Variants in CFAP91 observed in about 807,000 individuals in gnomAD.
The protein encoded by CFAP91 is cilia- and flagella-associated protein 91.
CFAP91 carries 85 observed loss-of-function variants against 95.9 expected under a neutral mutation model. That is an observed-to-expected ratio of 0.89 (90% CI 0.74 to 1.06). The LOEUF (loss-of-function observed/expected upper bound fraction) is 1.06, where lower values mean the gene tolerates loss of function less well. Ranked by LOEUF, CFAP91 falls within the 50% of genes least tolerant of loss-of-function variation. The probability of loss-of-function intolerance (pLI) is 0.00; values close to 1 mark genes in which losing one functional copy is unlikely to be tolerated. For synonymous variants in CFAP91, 335 were observed against 327.5 expected, an observed-to-expected ratio of 1.02 and a Z score of -0.25; for missense variants, 962 against 943.4, an observed-to-expected ratio of 1.02 and a Z score of -0.26.
chr3:119,724,644 ATGCATCATTGTGAC>A (rs1196981678), intron 6 of CFAP91, among the ~76,000 whole-genome samples: 2 of 152,200 alleles, frequency 1.3e-5, no homozygotes, highest in Non-Finnish European at 2.9e-5. Flanking sequence ...TCCTCACCAA[ATGCATCATTGTGAC>A]TGCCTCTGGG....
chr3:119,743,928 A>G, intron 13 of CFAP91, 47 bp from the exon 14 acceptor site: 1 of 1,478,252 alleles, frequency 6.8e-7, no homozygotes, highest in Non-Finnish European at 9.2e-7. Context: ...AATAATCACC[A>G]CTCATAATGG....
At chr3:119,745,769 G>A (rs1028585580) in intron 14 of CFAP91, among the ~76,000 whole-genome samples, 6 of 152,152 alleles carry the variant, frequency 3.9e-5, no homozygotes, top group African/African-American at 1.2e-4. Context: ...ATATATTTTG[G>A]TTGGTTAGTT....
In CFAP91 at chr3:119,737,512, T is replaced by C. The variant is rs1294666958; in HGVS notation, c.1461+30T>C. 3.2e-6 allele frequency: 4 copies of C among 1,238,672 alleles called. No individual in the cohort carries two copies. In the Admixed American group the frequency reaches 7.4e-5, roughly 23 times the overall value. The allele number at this position is 1,238,672 out of a possible 1,614,324, so 76.7% of individuals were successfully genotyped here. The stretch of plus-strand genomic sequence containing the variant: ...GTTGGAAACTTTTTAGTTGAAATGC[T>C]AAATTCAATATCATTGTCAGCTTAT... On this transcript the variant is annotated intron_variant, in intron 11 of 17. Coordinates refer to ENST00000273390, the MANE Select transcript of CFAP91 (RefSeq NM_033364.4).
Position 119,703,228 on chromosome 3 carries a change from G to A in CFAP91, c.124+6G>A, listed in dbSNP as rs1236813253. ...AGCGTATGATTTTCTGTACGGTAAG[G>A]ACCGCCGCAGACCTTCCTCCGCGTC... On this transcript the variant is annotated splice_donor_region_variant and intron_variant, in intron 1 of 17. Coordinates refer to ENST00000273390, the MANE Select transcript of CFAP91 (RefSeq NM_033364.4). 3 of 1,611,006 alleles carry A rather than the reference G, an allele frequency of 1.9e-6. No individual in the cohort carries two copies. The highest frequency in any genetic ancestry group is 2.5e-6 in the Non-Finnish European group (3 of 1,178,688).
chr3:119,710,975 A>AG (rs2053461365), intron 5 of CFAP91, among the ~76,000 whole-genome samples: 1 of 152,246 alleles, frequency 6.6e-6, no homozygotes, highest in Admixed American at 6.5e-5. Flanking sequence ...TTTCTGTAAG[A>AG]GAAAAAAGTC....
At chr3:119,714,801 T>C (rs1228277378) in intron 5 of CFAP91, among the ~76,000 whole-genome samples, 2 of 152,356 alleles carry the variant, frequency 1.3e-5, no homozygotes, top group Non-Finnish European at 1.5e-5. Flanking sequence ...TTTTGAGGCA[T>C]AGAAGTTGAA....
rs1320847448 is a variant in CFAP91 at position 119,738,795 on chromosome 3, T to A, written c.1462-460T>A. Among the ~76,000 whole-genome samples, 3 of 152,354 alleles carry A rather than the reference T, an allele frequency of 2.0e-5. No individual in the cohort carries two copies. In the East Asian group the frequency reaches 5.8e-4, roughly 29 times the overall value. On this transcript the variant is annotated intron_variant, in intron 11 of 17. Transcript: ENST00000273390. The stretch of plus-strand genomic sequence containing the variant: ...TTTTAAGATGATTTTTATAGATGGC[T>A]AACCTTGTCTCTTATATTCTGATTT...
intron 16 of CFAP91, chr3:119,750,468 A>C (rs1203197523): frequency 6.0e-6 from 1 of 167,188 alleles, no homozygotes; most frequent in Non-Finnish European, 1.3e-5. Context: ...ATCATCAATC[A>C]GTAAGTCCCT....
rs775917119 is a variant in CFAP91 at position 119,747,152 on chromosome 3, T to A, written c.1940T>A (p.Leu647Gln). 16 of 1,612,860 alleles carry A rather than the reference T, an allele frequency of 9.9e-6. No individual in the cohort carries two copies. The change falls in exon 15 of 18, where the codon CTA becomes CAA. Residue 647 changes from leucine (L) to glutamine (Q), a missense_variant. Coordinates refer to ENST00000273390, the MANE Select transcript of CFAP91 (RefSeq NM_033364.4). The part of the protein sequence containing the change: ...KVHHSTISSY[L>Q]EDIILNTEAN... ...CACCATAGTACTATAAGCTCCTACC[T>A]AGAAGACATAATACTGAATACCGAA...
intron 5 of CFAP91, among the ~76,000 whole-genome samples, chr3:119,713,603 ATT>A (rs2053516738): frequency 6.6e-6 from 1 of 152,102 alleles, no homozygotes; most frequent in African/African-American, 2.4e-5. Flanking sequence ...AAGTGGCTAT[ATT>A]GGTTTTTTTC....
At chr3:119,708,567 TA>T (rs1304131971) in intron 3 of CFAP91, 23 bp from the exon 4 acceptor site, 1 of 1,475,332 alleles carries the variant, frequency 6.8e-7, no homozygotes, top group Non-Finnish European at 9.4e-7. Flanking sequence ...TAGACTTGAA[TA>T]ATGTTTTCTT....
intron 17 of CFAP91, among the ~76,000 whole-genome samples, chr3:119,759,293 A>G (rs1186967976): frequency 6.6e-6 from 1 of 152,046 alleles, no homozygotes; most frequent in East Asian, 1.9e-4. Context: ...TAGAAAGTTA[A>G]GGTGTAACAA....
Position 119,751,334 on chromosome 3 carries a change from A to G in CFAP91, c.*1+236A>G, listed in dbSNP as rs765036703. Among the ~76,000 whole-genome samples, 7 of 152,192 alleles carry G rather than the reference A, an allele frequency of 4.6e-5. No individual in the cohort carries two copies. The East Asian group carries it at 5.8e-4, about 13-fold the overall frequency. On this transcript the variant is annotated intron_variant, in intron 17 of 17. Coordinates refer to ENST00000273390, the MANE Select transcript of CFAP91 (RefSeq NM_033364.4). ...TTGTGATACAAAAAAGAGGACTCTA[A>G]ATTATTTTTATGGGTTCTTTTAGCA...
rs754634407 is a variant in CFAP91, at chr3:119,732,438, A to C, written c.1163A>C (p.Asp388Ala). Reference sequence around the variant, plus strand: ...TGTTTCCCAGACAACAACTCAGAGGACTTTGTAGTAAAAAACTACTATCTC... The same window carrying C: ...TGTTTCCCAGACAACAACTCAGAGGCCTTTGTAGTAAAAAACTACTATCTC... ...LGCFPDNNSE[D>A]FVVKNYYLNT... The change falls in exon 9 of 18, where the codon GAC (aspartate) becomes GCC (alanine). Residue 388 changes from aspartate to alanine, a missense_variant. Physicochemically the swap from Asp to Ala is moderately radical, Grantham distance 126 (BLOSUM62 -2). Transcript: ENST00000273390. The C allele has an allele frequency of 1.2e-6, 2 of 1,608,270 alleles. No homozygotes were observed. Among genetic ancestry groups the C allele is most frequent in the South Asian group, 2.2e-5 (2 of 89,046 alleles).
Position 119,750,943 on chromosome 3 carries a change from A to G in CFAP91, c.2150A>G (p.Asn717Ser), listed in dbSNP as rs1409655261. The change falls in exon 17 of 18, where the codon AAC becomes AGC. Residue 717 changes from asparagine (N) to serine (S), a missense_variant. Transcript: ENST00000273390. Reference sequence around the variant, plus strand: ...TTCTATTACTTTGGCACAGTGAGGAACGCACAGCGGAAACATATTCTTGCA... The same window carrying G: ...TTCTATTACTTTGGCACAGTGAGGAGCGCACAGCGGAAACATATTCTTGCA... ...QKYFVKEKVR[N>S]AQRKHILAAH... 3.1e-6 allele frequency: 5 copies of G among 1,613,818 alleles called. No individual in the cohort carries two copies. The highest frequency in any genetic ancestry group is 1.7e-5 in the Admixed American group (1 of 59,970).
intron 17 of CFAP91, among the ~76,000 whole-genome samples, chr3:119,753,134 A>G (rs1326742367): frequency 6.6e-6 from 1 of 152,218 alleles, no homozygotes; most frequent in Admixed American, 6.5e-5. Flanking sequence ...AGGAGAAGAT[A>G]GAAATTTAGA....
intron 16 of CFAP91, 56 bp downstream of exon 16, chr3:119,747,958 A>T (rs1043146217): frequency 3.8e-6 from 5 of 1,302,954 alleles, no homozygotes; most frequent in Non-Finnish European, 5.4e-6. Flanking sequence ...AATTATTTTC[A>T]ATATCCCAGA....
intron 16 of CFAP91, among the ~76,000 whole-genome samples, chr3:119,748,653 G>A (rs1205093476): frequency 6.6e-6 from 1 of 152,184 alleles, no homozygotes; most frequent in African/African-American, 2.4e-5. Context: ...TGCTCAATCA[G>A]GGATAAAGAA....
intron 17 of CFAP91, among the ~76,000 whole-genome samples, chr3:119,756,245 T>C (rs957677199): frequency 3.3e-5 from 5 of 152,040 alleles, no homozygotes; most frequent in Non-Finnish European, 5.9e-5. Flanking sequence ...AAGCTGACAG[T>C]TGACTTCTCA....
Sources: allele counts gnomAD v4.1 joint callset (sites outside exome capture counted in the v4.1 genomes callset), GRCh38; gene constraint gnomAD v4.1.1; transcripts MANE v1.5; gene names NCBI Gene and HGNC (gene_info 2026-07-23, HGNC 2026-07-21).